LAMA2: variants seen among roughly 807,000 people sequenced by gnomAD.
The protein encoded by LAMA2 is laminin subunit alpha 2.
A neutral mutation model predicts 364.8 loss-of-function variants in LAMA2; 269 were observed. That is an observed-to-expected ratio of 0.74 (90% CI 0.67 to 0.82). LAMA2 has a LOEUF of 0.82. LAMA2 is among the 40% of genes least tolerant of loss of function. The pLI is 0.00. For synonymous variants in LAMA2, 1,379 were observed against 1,370.6 expected, an observed-to-expected ratio of 1.01 and a Z score of -0.14; for missense variants, 3,807 against 3,873.2, an observed-to-expected ratio of 0.98 and a Z score of 0.45.
intron 1 of LAMA2, among the ~76,000 whole-genome samples, chr6:128,883,905 T>C (rs1253591377): frequency 6.6e-6 from 1 of 152,082 alleles, no homozygotes; most frequent in African/African-American, 2.4e-5. Context: ...AAAGAAGTTA[T>C]GTGGTTTTTT....
At chr6:129,329,292 C>T (rs983487178) in intron 29 of LAMA2, among the ~76,000 whole-genome samples, 1 of 152,188 alleles carries the variant, frequency 6.6e-6, no homozygotes, top group Non-Finnish European at 1.5e-5. Context: ...TCATCATGCT[C>T]TGACTGAAAC....
chr6:128,883,187 GA>G lies in LAMA2; in HGVS notation c.-58del. ...CTCAGCTCACAAGCCAAGGCCAGGGGACAGGGCGGCAGCGACTCCTCTGGCT... is the reference window on the plus strand; with the variant it reads ...CTCAGCTCACAAGCCAAGGCCAGGGGCAGGGCGGCAGCGACTCCTCTGGCT... On this transcript the variant is annotated 5_prime_UTR_variant, in exon 1 of 65. Transcript: ENST00000421865. The G allele has an allele frequency of 6.7e-7, 1 of 1,486,224 alleles. No homozygotes were observed. The highest frequency in any genetic ancestry group is 1.2e-5 in the South Asian group (1 of 82,798). The allele number at this position is 1,486,224 out of a possible 1,614,324, so 92.1% of individuals were successfully genotyped here.
intron 3 of LAMA2, among the ~76,000 whole-genome samples, chr6:129,094,003 T>C (rs1409877346): frequency 6.6e-6 from 1 of 152,188 alleles, no homozygotes; most frequent in Non-Finnish European, 1.5e-5. Context: ...TGAGGTATTA[T>C]AACTACTGAT....
At position 129,040,216 on chromosome 6, in the gene LAMA2, G is replaced by A. The variant is rs868430024; in HGVS notation, c.113-9702G>A. ...TAGAAAAAAATGACAGAAATTTCAG[G>A]AACAAAGGTGACTATGAATTAGGTA... On this transcript the variant is annotated intron_variant, in intron 1 of 64. Coordinates refer to ENST00000421865, the MANE Select transcript of LAMA2 (RefSeq NM_000426.4). Among the ~76,000 whole-genome samples, 12 of 152,140 alleles carry A rather than the reference G, an allele frequency of 7.9e-5. No individual in the cohort carries two copies. In the South Asian group the frequency reaches 2.5e-3, roughly 31 times the overall value.
At chr6:128,997,913 A>G (rs1412034692) in intron 1 of LAMA2, among the ~76,000 whole-genome samples, 1 of 152,218 alleles carries the variant, frequency 6.6e-6, no homozygotes, top group Non-Finnish European at 1.5e-5. Flanking sequence ...TGAGGTTCGT[A>G]ACGAGGTGAT....
intron 35 of LAMA2, among the ~76,000 whole-genome samples, chr6:129,390,394 G>C (rs1216591063): frequency 1.3e-5 from 2 of 151,782 alleles, no homozygotes; most frequent in Non-Finnish European, 2.9e-5. Context: ...TGCTTGTCCT[G>C]ACTATGTACA....
intron 12 of LAMA2, among the ~76,000 whole-genome samples, chr6:129,233,270 A>G (rs961656330): frequency 2.0e-5 from 3 of 152,184 alleles, no homozygotes; most frequent in African/African-American, 4.8e-5. Flanking sequence ...CGGTAGCAAT[A>G]GGAAACTAAT....
At chr6:129,231,469 A>G (rs1784666248) in intron 12 of LAMA2, among the ~76,000 whole-genome samples, 1 of 152,126 alleles carries the variant, frequency 6.6e-6, no homozygotes, top group Admixed American at 6.6e-5. Flanking sequence ...ATGAAGTATG[A>G]ATTATCATTA....
intron 55 of LAMA2, among the ~76,000 whole-genome samples, chr6:129,485,851 C>T (rs1050321945): frequency 2.0e-5 from 3 of 152,152 alleles, no homozygotes; most frequent in Non-Finnish European, 4.4e-5. Context: ...AGGGAGAGCA[C>T]GTGGCATCAG....
intron 34 of LAMA2, among the ~76,000 whole-genome samples, chr6:129,381,845 T>C (rs1778709821): frequency 1.3e-5 from 2 of 152,220 alleles, no homozygotes; most frequent in South Asian, 4.1e-4. Context: ...CATCCTTTCA[T>C]TTGTGATGTT....
In LAMA2 at chr6:129,098,320, A is replaced by T; in HGVS notation, c.544A>T (p.Ile182Phe). The T allele has an allele frequency of 6.2e-7, 1 of 1,614,058 alleles. No homozygotes were observed. Among genetic ancestry groups the T allele is most frequent in the South Asian group, 1.1e-5 (1 of 91,076 alleles). The change falls in exon 4 of 65, where the codon ATT (isoleucine) becomes TTT (phenylalanine). Residue 182 changes from isoleucine (I) to phenylalanine (F), a missense_variant. Transcript: ENST00000421865. ...CACGGAGTGCCTAACGCTTTACAAT[A>T]TTTATCCCCGCACTGGGCCACCGTC... The part of the protein sequence containing the change: ...TDTECLTLYN[I>F]YPRTGPPSYA...
chr6:128,981,897 C>T (rs1230330009), intron 1 of LAMA2, among the ~76,000 whole-genome samples: 1 of 152,162 alleles, frequency 6.6e-6, no homozygotes. Flanking sequence ...TAATTGCTAG[C>T]CAGGCCTTTG....
At chr6:129,439,993 T>C (rs940866129) in intron 42 of LAMA2, among the ~76,000 whole-genome samples, 1 of 152,026 alleles carries the variant, frequency 6.6e-6, no homozygotes, top group Non-Finnish European at 1.5e-5. Context: ...GTCTTCTGTG[T>C]ATAACATAAG....
chr6:129,167,283 G>A lies in LAMA2; in HGVS notation c.1306+1608G>A, dbSNP rs368570421. ...CCACTAACTCGTCATCTAGCATTAG[G>A]TATATCTCCCAATGCTATCCCTCCC... On this transcript the variant is annotated intron_variant, in intron 9 of 64. Transcript: ENST00000421865. Among the ~76,000 whole-genome samples the A allele has an allele frequency of 6.6e-4, 99 of 150,288 alleles. 2 individuals are homozygous for A. In the South Asian group the frequency reaches 0.019, roughly 29 times the overall value.
At chr6:129,456,188 T>A in intron 47 of LAMA2, 147 bp from the exon 48 acceptor site, 1 of 772,580 alleles carries the variant, frequency 1.3e-6, no homozygotes, top group Non-Finnish European at 2.2e-6. Context: ...ATTTGGAATG[T>A]TAGAAACTAA....
At chr6:128,932,835 G>A (rs185691165) in intron 1 of LAMA2, among the ~76,000 whole-genome samples, 26 of 152,226 alleles carry the variant, frequency 1.7e-4, no homozygotes, top group Admixed American at 4.6e-4. Context: ...TTGTGTGTGC[G>A]TGTTTGTTTA....
At position 129,460,183 on chromosome 6, in the gene LAMA2, G is replaced by A. The variant is rs745452728; in HGVS notation, c.6868-17G>A. ...GAAATTCCAAATTCTAGCAAATAAC[G>A]GTATTTCTTTCTGCAGAAGGCTGAT... On this transcript the variant is annotated splice_polypyrimidine_tract_variant and intron_variant, in intron 48 of 64. Coordinates refer to ENST00000421865, the MANE Select transcript of LAMA2 (RefSeq NM_000426.4). 3.1e-6 allele frequency: 5 copies of A among 1,610,564 alleles called. No individual in the cohort carries two copies. The highest frequency in any genetic ancestry group is 2.5e-6 in the Non-Finnish European group (3 of 1,177,500).
intron 15 of LAMA2, among the ~76,000 whole-genome samples, chr6:129,265,656 G>A: frequency 6.6e-6 from 1 of 150,588 alleles, no homozygotes; most frequent in East Asian, 2.0e-4. Flanking sequence ...GGTTGTGGGG[G>A]TTGAAAAATG....
At chr6:129,259,623 G>A (rs1376973489) in intron 14 of LAMA2, among the ~76,000 whole-genome samples, 1 of 151,906 alleles carries the variant, frequency 6.6e-6, no homozygotes, top group Non-Finnish European at 1.5e-5. Context: ...TTTTTATTTG[G>A]TTTCAACAGT....
Sources: allele counts gnomAD v4.1 joint callset (sites outside exome capture counted in the v4.1 genomes callset), GRCh38; gene constraint gnomAD v4.1.1; transcripts MANE v1.5; gene names NCBI Gene and HGNC (gene_info 2026-07-23, HGNC 2026-07-21).